The following AGBL1 variants were observed in gnomAD, a reference collection of about 807,000 sequenced individuals.
AGBL1 encodes AGBL carboxypeptidase 1.
AGBL1 carries 130 observed loss-of-function variants against 118.9 expected under a neutral mutation model. The ratio of observed to expected loss-of-function variants is 1.09; its 90% CI spans 0.95 to 1.26. AGBL1 has a LOEUF of 1.26. Ranked by LOEUF, AGBL1 falls within the 50% of genes most tolerant of loss-of-function variation. The pLI, the probability that AGBL1 is intolerant of heterozygous loss-of-function variation, is 0.00. For synonymous variants in AGBL1, 555 were observed against 478.9 expected, an observed-to-expected ratio of 1.16 and a Z score of -2.08; for missense variants, 1,584 against 1,298.1, an observed-to-expected ratio of 1.22 and a Z score of -3.38.
intron 21 of AGBL1, among the ~76,000 whole-genome samples, chr15:86,662,325 G>C (rs536121528): frequency 1.2e-4 from 18 of 152,232 alleles, no homozygotes; most frequent in Non-Finnish European, 2.6e-4. Flanking sequence ...CAAGGCATGT[G>C]CACTTTATAT....
intron 5 of AGBL1, among the ~76,000 whole-genome samples, chr15:86,212,143 ATTAGT>A (rs2078109457): frequency 6.6e-6 from 1 of 152,248 alleles, no homozygotes; most frequent in Non-Finnish European, 1.5e-5. Context: ...CTATTCAATG[ATTAGT>A]TTATTTACTC....
intron 17 of AGBL1, among the ~76,000 whole-genome samples, chr15:86,361,202 T>G (rs939487176): frequency 6.6e-6 from 1 of 152,010 alleles, no homozygotes; most frequent in Non-Finnish European, 1.5e-5. Context: ...ATTTTAAAAA[T>G]TTTTTTGGCC....
chr15:86,556,330 T>C, intron 21 of AGBL1: 1 of 1,502,520 alleles, frequency 6.7e-7, no homozygotes, highest in Non-Finnish European at 9.2e-7. Flanking sequence ...AAATGGCTTT[T>C]GCATTGGGTC....
At chr15:86,372,977 A>C (rs2141946636) in intron 17 of AGBL1, among the ~76,000 whole-genome samples, 1 of 152,344 alleles carries the variant, frequency 6.6e-6, no homozygotes, top group Non-Finnish European at 1.5e-5. Context: ...GAACTGATCT[A>C]ACCCTGTAAC....
intron 17 of AGBL1, among the ~76,000 whole-genome samples, chr15:86,370,046 TC>T (rs2080949147): frequency 2.0e-5 from 3 of 152,326 alleles, no homozygotes; most frequent in East Asian, 3.9e-4. Context: ...GCAATTTACT[TC>T]CATCTCTATC....
At chr15:86,755,212 G>C (rs938846719) in intron 22 of AGBL1, among the ~76,000 whole-genome samples, 2 of 152,082 alleles carry the variant, frequency 1.3e-5, no homozygotes, top group Non-Finnish European at 2.9e-5. Context: ...ATAAAAGTAG[G>C]GTGGATGACC....
chr15:86,363,650 T>A (rs1473574822), intron 17 of AGBL1, among the ~76,000 whole-genome samples: 1 of 152,184 alleles, frequency 6.6e-6, no homozygotes, highest in East Asian at 1.9e-4. Flanking sequence ...CTCAGGAATG[T>A]TTATGATTAC....
At chr15:86,688,893 C>A (rs1021989432) in intron 22 of AGBL1, among the ~76,000 whole-genome samples, 6 of 152,122 alleles carry the variant, frequency 3.9e-5, no homozygotes, top group Non-Finnish European at 5.9e-5. Flanking sequence ...CCCCAGACAA[C>A]AACTGACTTG....
intron 1 of AGBL1, among the ~76,000 whole-genome samples, chr15:86,081,210 A>AT (rs1436478143): frequency 6.6e-6 from 1 of 151,862 alleles, no homozygotes; most frequent in Non-Finnish European, 1.5e-5. Context: ...TGCCTGGCTA[A>AT]TTTTTTGTAT....
chr15:86,348,603 C>T (rs1747712619), intron 17 of AGBL1, among the ~76,000 whole-genome samples: 2 of 152,040 alleles, frequency 1.3e-5, no homozygotes, highest in South Asian at 4.1e-4. Context: ...CATGGTGAAA[C>T]CCTGTCTCTA....
intron 23 of AGBL1, among the ~76,000 whole-genome samples, chr15:86,978,476 C>G (rs2081196777): frequency 6.6e-6 from 1 of 152,182 alleles, no homozygotes; most frequent in Non-Finnish European, 1.5e-5. Flanking sequence ...GCCTGACTTA[C>G]AAAGCTGGGG....
At chr15:86,856,741 C>T (rs2079487587) in intron 22 of AGBL1, among the ~76,000 whole-genome samples, 1 of 152,178 alleles carries the variant, frequency 6.6e-6, no homozygotes, top group South Asian at 2.1e-4. Context: ...ACGCAATGAC[C>T]ACTGTTGTCT....
At chr15:86,189,853 T>C (rs1168393034) in intron 5 of AGBL1, among the ~76,000 whole-genome samples, 1 of 152,220 alleles carries the variant, frequency 6.6e-6, no homozygotes, top group East Asian at 1.9e-4. Context: ...CAAATGCTTT[T>C]GTAGAGAGCA....
rs1450532978 is a variant in AGBL1, at chr15:86,908,709, ATAATG to A, written c.*1416_*1420del. The stretch of plus-strand genomic sequence containing the variant: ...GGAAGGAAGAGGCTTAGTTATTTGA[ATAATG>A]AAGTGTACGAGACCTGCGAAGAAAG... On this transcript the variant is annotated 3_prime_UTR_variant, in exon 23 of 23. Transcript: ENST00000614907. The A allele has an allele frequency of 6.6e-6, 1 of 152,242 alleles. No homozygotes were observed. The highest frequency in any genetic ancestry group is 1.5e-5 in the Non-Finnish European group (1 of 68,086). The allele number at this position is 152,242 out of a possible 1,614,324, so 9.4% of individuals were successfully genotyped here.
At chr15:86,849,018 CTG>C (rs1019212644) in intron 22 of AGBL1, among the ~76,000 whole-genome samples, 3 of 152,168 alleles carry the variant, frequency 2.0e-5, no homozygotes, top group Non-Finnish European at 2.9e-5. Context: ...AGTGGCCAAA[CTG>C]GAGTTTGAGC....
intron 22 of AGBL1, among the ~76,000 whole-genome samples, chr15:86,719,831 G>C (rs1360139441): frequency 6.6e-6 from 1 of 152,192 alleles, no homozygotes; most frequent in Non-Finnish European, 1.5e-5. Context: ...AAATACCCGT[G>C]CCTGTTTAGC....
chr15:86,250,872 G>A (rs1177644870), intron 7 of AGBL1, among the ~76,000 whole-genome samples: 1 of 152,174 alleles, frequency 6.6e-6, no homozygotes, highest in East Asian at 1.9e-4. Flanking sequence ...GGCCAACTTA[G>A]GGGCCTTGGA....
At chr15:86,174,597 C>CTTTTATTATGTTTCTTATG (rs71144031) in intron 5 of AGBL1, among the ~76,000 whole-genome samples, 3 of 149,942 alleles carry the variant, frequency 2.0e-5, no homozygotes, top group African/African-American at 7.3e-5. Context: ...TCACATGTGG[C>CTTTTATTATGTTTCTTATG]TTTTATTATG....
intron 17 of AGBL1, among the ~76,000 whole-genome samples, chr15:86,308,991 T>C (rs192236969): frequency 2.6e-5 from 4 of 152,374 alleles, no homozygotes; most frequent in South Asian, 2.1e-4. Flanking sequence ...AGAGATTGAA[T>C]TGGGTCTGTA....
Sources: allele counts gnomAD v4.1 joint callset (sites outside exome capture counted in the v4.1 genomes callset), GRCh38; gene constraint gnomAD v4.1.1; transcripts MANE v1.5; gene names NCBI Gene and HGNC (gene_info 2026-07-23, HGNC 2026-07-21).